OSBP2: variants seen among roughly 807,000 people sequenced by gnomAD.
OSBP2 encodes the protein oxysterol-binding protein 2.
OSBP2 carries 66 observed loss-of-function variants against 96.0 expected under a neutral mutation model. That is an observed-to-expected ratio of 0.69 (90% CI 0.56 to 0.84). The LOEUF (loss-of-function observed/expected upper bound fraction) is 0.84, where lower values mean the gene tolerates loss of function less well. Among genes scored for constraint, OSBP2 ranks in the 40% least tolerant of loss-of-function variants. The probability of loss-of-function intolerance (pLI) is 0.00; values close to 1 mark genes in which losing one functional copy is unlikely to be tolerated. For missense variants in OSBP2, 1,038 were observed against 1,222.7 expected (o/e 0.85, Z 2.25); for synonymous variants, 525 against 520.9 (o/e 1.01, Z -0.11).
intron 2 of OSBP2, among the ~76,000 whole-genome samples, chr22:30,822,977 A>C (rs1408583499): frequency 6.6e-6 from 1 of 152,204 alleles, no homozygotes; most frequent in East Asian, 1.9e-4. Context: ...AGAAAATGAA[A>C]TATAATCTAT....
intron 3 of OSBP2, among the ~76,000 whole-genome samples, chr22:30,880,248 G>T (rs934790658): frequency 6.6e-6 from 1 of 152,214 alleles, no homozygotes; most frequent in Admixed American, 6.5e-5. Flanking sequence ...GAGGATCAGC[G>T]TGGAGGGTGG....
intron 2 of OSBP2, among the ~76,000 whole-genome samples, chr22:30,807,557 G>A (rs1311443008): frequency 6.6e-6 from 1 of 152,196 alleles, no homozygotes; most frequent in African/African-American, 2.4e-5. Flanking sequence ...GCCTGGAAGG[G>A]CTTTCTGCAG....
intron 1 of OSBP2, among the ~76,000 whole-genome samples, chr22:30,725,871 C>T (rs953393398): frequency 1.3e-5 from 2 of 151,774 alleles, no homozygotes; most frequent in African/African-American, 4.8e-5. Context: ...TCACTGCCTC[C>T]CAGGTTCAAG....
intron 3 of OSBP2, among the ~76,000 whole-genome samples, chr22:30,886,541 A>T (rs970187948): frequency 6.6e-6 from 1 of 152,182 alleles, no homozygotes; most frequent in African/African-American, 2.4e-5. Flanking sequence ...GTGAATAGAG[A>T]TTCTTTACAG....
chr22:30,863,973 G>T (rs1402035113), intron 2 of OSBP2, among the ~76,000 whole-genome samples: 41 of 147,794 alleles, frequency 2.8e-4, no homozygotes, highest in African/African-American at 6.9e-4. Flanking sequence ...TTTTTTTTTT[G>T]TTGTTTTTTT....
At position 30,881,411 on chromosome 22, in the gene OSBP2, C is replaced by A. The variant is rs1483279020; in HGVS notation, c.1108-6015C>A. On this transcript the variant is annotated intron_variant, in intron 3 of 13. Transcript: ENST00000332585. The surrounding 1 kb of genome is among the most constrained non-coding windows in gnomAD (Gnocchi z 4.5). Reference sequence around the variant, plus strand: ...CCACCTCCAGCTCCCACTAGGACCCCTCACTCTCTTCCCCTTAAACAATTC... The same window carrying A: ...CCACCTCCAGCTCCCACTAGGACCCATCACTCTCTTCCCCTTAAACAATTC... 6.6e-6 allele frequency among the ~76,000 whole-genome samples: 1 copy of A among 152,170 alleles called. No individual in the cohort carries two copies. Among genetic ancestry groups the A allele is most frequent in the African/African-American group, 2.4e-5 (1 of 41,434 alleles).
At chr22:30,699,964 T>C (rs1195616864) in intron 1 of OSBP2, among the ~76,000 whole-genome samples, 1 of 151,908 alleles carries the variant, frequency 6.6e-6, no homozygotes, top group Non-Finnish European at 1.5e-5. Context: ...GATTCTTTTT[T>C]TCTTTTTTTT....
intron 2 of OSBP2, among the ~76,000 whole-genome samples, chr22:30,811,409 G>A (rs944080602): frequency 6.7e-6 from 1 of 149,358 alleles, no homozygotes; most frequent in Non-Finnish European, 1.5e-5. Flanking sequence ...GCAGTGGTGC[G>A]ATCTCAGCTC....
Position 30,695,564 on chromosome 22 carries a change from G to A in OSBP2, c.644+11G>A, listed in dbSNP as rs577978008. 2.8e-4 allele frequency: 441 copies of A among 1,597,132 alleles called. 7 individuals are homozygous for A. In the South Asian group the frequency reaches 4.6e-3, roughly 17 times the overall value. On this transcript the variant is annotated intron_variant, in intron 1 of 13. Coordinates refer to ENST00000332585, the MANE Select transcript of OSBP2 (RefSeq NM_030758.4). ...GCTCTCTTACTACAGGTATGGAAGCGCCAGGGTGGGACATGGGGGTTGGAG... is the reference window on the plus strand; with the variant it reads ...GCTCTCTTACTACAGGTATGGAAGCACCAGGGTGGGACATGGGGGTTGGAG...
chr22:30,865,253 G>A (rs1395385253), intron 2 of OSBP2, among the ~76,000 whole-genome samples: 1 of 152,188 alleles, frequency 6.6e-6, no homozygotes, highest in Non-Finnish European at 1.5e-5. Context: ...AGATCCCTGA[G>A]TGGGGAATGG....
At chr22:30,789,814 G>T (rs2090647001) in intron 2 of OSBP2, among the ~76,000 whole-genome samples, 1 of 152,174 alleles carries the variant, frequency 6.6e-6, no homozygotes, top group South Asian at 2.1e-4. Context: ...TCTCTAAGAA[G>T]GAGGGTCTGC....
chr22:30,889,471 G>T lies in OSBP2; in HGVS notation c.1477-19G>T, dbSNP rs918334244. 4.3e-6 allele frequency: 7 copies of T among 1,613,934 alleles called. No individual in the cohort carries two copies. Among genetic ancestry groups the T allele is most frequent in the Admixed American group, 1.7e-5 (1 of 60,016 alleles). ...TCTGGCCTCTGCTGACGGTGAGGGG[G>T]TCCCCACTTATGTGGCAGGTACTAG... is the stretch of plus-strand genomic sequence containing the variant. On this transcript the variant is annotated intron_variant, in intron 6 of 13. Transcript: ENST00000332585.
Position 30,876,787 on chromosome 22 carries a change from C to T in OSBP2, c.1107+6105C>T, listed in dbSNP as rs187210370. ...CCCCTGCCCCTACTCTGCAGGCTTA[C>T]GCATAGGGAGACCAAGGCTGAGGGG... On this transcript the variant is annotated intron_variant, in intron 3 of 13. Transcript: ENST00000332585. 1.7e-3 allele frequency among the ~76,000 whole-genome samples: 258 copies of T among 152,302 alleles called. 3 individuals carry two copies. The highest frequency in any genetic ancestry group is 0.014 in the Admixed American group (222 of 15,312).
At chr22:30,872,196 A>G in intron 3 of OSBP2, 1 of 455,700 alleles carries the variant, frequency 2.2e-6, no homozygotes, top group Non-Finnish European at 4.4e-6. Context: ...TCTCAGGCCC[A>G]CTGTCCTCCT....
chr22:30,883,639 G>T (rs943857808), intron 3 of OSBP2, among the ~76,000 whole-genome samples: 1 of 152,204 alleles, frequency 6.6e-6, no homozygotes, highest in Non-Finnish European at 1.5e-5. Context: ...CCTGGGTTCT[G>T]GATCTGGCTC....
chr22:30,754,693 G>A (rs5749161), intron 2 of OSBP2, among the ~76,000 whole-genome samples: 77 of 152,024 alleles, frequency 5.1e-4, no homozygotes, highest in Non-Finnish European at 1.5e-4. Context: ...GTGCTGTGCT[G>A]TCCTGCCCCG....
chr22:30,698,919 T>C (rs1261350538), intron 1 of OSBP2, among the ~76,000 whole-genome samples: 1 of 152,044 alleles, frequency 6.6e-6, no homozygotes, highest in East Asian at 1.9e-4. Context: ...AGGTGTAATA[T>C]TTAAAAGTCC....
chr22:30,874,360 C>T (rs554598520), intron 3 of OSBP2, among the ~76,000 whole-genome samples: 4 of 151,860 alleles, frequency 2.6e-5, no homozygotes, highest in Admixed American at 2.6e-4. Flanking sequence ...TGCAGTGAGC[C>T]AAGATCACGC....
intron 3 of OSBP2, among the ~76,000 whole-genome samples, chr22:30,872,104 T>C (rs2285917): frequency 0.26 from 38,880 of 152,128 alleles, 5,256 homozygotes; most frequent in African/African-American, 0.3. Flanking sequence ...GTTGGCCCCA[T>C]ATGCCAAGGA....
Sources: gnomAD v4.1 joint callset for allele counts (sites outside exome capture counted in the v4.1 genomes callset) on GRCh38, gnomAD v4.1.1 for gene constraint, Gnocchi (gnomAD v3.1) non-coding constraint, MANE v1.5 for transcripts, NCBI Gene and HGNC (gene_info 2026-07-23, HGNC 2026-07-21) for gene names.